Variants in PTPRN2 observed in about 807,000 individuals in gnomAD.
The protein encoded by PTPRN2 is receptor-type tyrosine-protein phosphatase N2.
In PTPRN2, 74 loss-of-function variants were observed where a neutral mutation model predicts 118.8. The ratio of observed to expected loss-of-function variants is 0.62; its 90% CI spans 0.52 to 0.76. The LOEUF (loss-of-function observed/expected upper bound fraction) is 0.76, where lower values mean the gene tolerates loss of function less well. Among genes scored for constraint, PTPRN2 ranks in the 30% least tolerant of loss-of-function variants. The pLI is 0.00. For synonymous variants in PTPRN2, 641 were observed against 608.0 expected (o/e 1.05, Z -0.80); for missense variants, 1,481 against 1,394.4 (o/e 1.06, Z -0.99).
intron 13 of PTPRN2, among the ~76,000 whole-genome samples, chr7:157,658,057 T>A (rs2906933): frequency 0.85 from 128,951 of 151,444 alleles, 55,258 homozygotes; most frequent in Admixed American, 0.91. Flanking sequence ...CCACAAACAC[T>A]CACTCCTATA....
intron 2 of PTPRN2, among the ~76,000 whole-genome samples, chr7:158,342,373 C>T (rs1210174696): frequency 6.8e-6 from 1 of 146,728 alleles, no homozygotes; most frequent in Non-Finnish European, 1.5e-5. Flanking sequence ...ACACTCTCAC[C>T]ATAAGAGCTG....
rs541421649 is a variant in PTPRN2 at position 157,646,713 on chromosome 7, G to T, written c.2196+9644C>A. Among the ~76,000 whole-genome samples the T allele has an allele frequency of 2.6e-5, 4 of 152,314 alleles. 1 individual carries two copies. Among genetic ancestry groups the T allele is most frequent in the Admixed American group, 2.6e-4 (4 of 15,304 alleles). ...CCAGGAGCGTCAAGCAGGAGCTGTG[G>T]CTTGGGTGGCTGCATGGACACGGGA... On this transcript the variant is annotated intron_variant, in intron 14 of 22. Transcript: ENST00000389418.
chr7:158,061,242 C>T (rs566367263), intron 11 of PTPRN2, among the ~76,000 whole-genome samples: 6 of 152,352 alleles, frequency 3.9e-5, no homozygotes, highest in Non-Finnish European at 7.3e-5. Flanking sequence ...AGAGAGTGCG[C>T]GTCCCGCCTC....
At chr7:158,392,590 C>T (rs919728612) in intron 2 of PTPRN2, among the ~76,000 whole-genome samples, 24 of 152,138 alleles carry the variant, frequency 1.6e-4, no homozygotes, top group African/African-American at 4.3e-4. Context: ...TCCTTGTGTC[C>T]GTGGGGGAGG....
intron 4 of PTPRN2, among the ~76,000 whole-genome samples, chr7:158,199,482 T>G (rs931056459): frequency 6.6e-6 from 1 of 152,214 alleles, no homozygotes; most frequent in Non-Finnish European, 1.5e-5. Flanking sequence ...AAAACAGGGC[T>G]GGGGATTCTG....
At chr7:158,140,266 A>T (rs1044123572) in intron 6 of PTPRN2, among the ~76,000 whole-genome samples, 5 of 152,184 alleles carry the variant, frequency 3.3e-5, no homozygotes, top group Admixed American at 2.6e-4. Flanking sequence ...CTCCGAGGAG[A>T]CTGTTTCAAA....
chr7:158,280,308 G>A (rs1427816219), intron 3 of PTPRN2, among the ~76,000 whole-genome samples: 2 of 152,224 alleles, frequency 1.3e-5, no homozygotes, highest in East Asian at 1.9e-4. Context: ...GGCTAACCCC[G>A]TCGGGGGCCA....
At chr7:158,397,686 GACA>G (rs1181234606) in intron 2 of PTPRN2, among the ~76,000 whole-genome samples, 6 of 152,054 alleles carry the variant, frequency 3.9e-5, no homozygotes, top group African/African-American at 1.4e-4. Context: ...ACTTCCACAT[GACA>G]ACAACATCCC....
chr7:158,120,928 C>T (rs955478695), intron 9 of PTPRN2, among the ~76,000 whole-genome samples: 2 of 152,224 alleles, frequency 1.3e-5, no homozygotes, highest in African/African-American at 4.8e-5. Flanking sequence ...AGCTCCACCC[C>T]GGCTGAGACC....
intron 11 of PTPRN2, among the ~76,000 whole-genome samples, chr7:157,938,094 A>G (rs1199260708): frequency 6.6e-6 from 1 of 152,214 alleles, no homozygotes; most frequent in Non-Finnish European, 1.5e-5. Context: ...GCTAAGAGCC[A>G]CCCACTGCAG....
At chr7:158,202,244 C>A (rs767286404) in intron 4 of PTPRN2, among the ~76,000 whole-genome samples, 3 of 152,124 alleles carry the variant, frequency 2.0e-5, no homozygotes, top group Non-Finnish European at 4.4e-5. Flanking sequence ...AAAAGAAAAA[C>A]GATCACATTT....
intron 11 of PTPRN2, among the ~76,000 whole-genome samples, chr7:158,004,027 T>C (rs1348034240): frequency 6.6e-6 from 1 of 152,212 alleles, no homozygotes; most frequent in African/African-American, 2.4e-5. Flanking sequence ...ACTCCGGCTC[T>C]CGGATGGGAG....
intron 2 of PTPRN2, among the ~76,000 whole-genome samples, chr7:158,431,575 A>G (rs1190057736): frequency 7.1e-6 from 1 of 140,456 alleles, no homozygotes; most frequent in East Asian, 2.2e-4. Context: ...CATACTGGCC[A>G]CATACTGGCT....
At chr7:158,110,225 A>G (rs1258199573) in intron 10 of PTPRN2, among the ~76,000 whole-genome samples, 1 of 152,198 alleles carries the variant, frequency 6.6e-6, no homozygotes, top group Non-Finnish European at 1.5e-5. Context: ...GCACTCAGCC[A>G]TCTCTGCTCC....
chr7:157,921,505 T>C (rs568621416), intron 11 of PTPRN2, among the ~76,000 whole-genome samples: 1 of 152,322 alleles, frequency 6.6e-6, no homozygotes, highest in Admixed American at 6.5e-5. Context: ...TTGATTACCA[T>C]TGTGGCAGTG....
chr7:158,213,482 G>A (rs1827754825), intron 3 of PTPRN2, among the ~76,000 whole-genome samples: 1 of 152,010 alleles, frequency 6.6e-6, no homozygotes. Flanking sequence ...CCATTAGGAT[G>A]GCCTCCAACT....
intron 11 of PTPRN2, among the ~76,000 whole-genome samples, chr7:157,917,474 G>C (rs1181517448): frequency 1.3e-5 from 2 of 152,226 alleles, no homozygotes; most frequent in African/African-American, 2.4e-5. Context: ...GATTCTGCCG[G>C]GGGGCGGGGC....
chr7:158,488,975 G>A (rs1586786516), intron 2 of PTPRN2, among the ~76,000 whole-genome samples: 3 of 152,256 alleles, frequency 2.0e-5, no homozygotes, highest in Non-Finnish European at 4.4e-5. Flanking sequence ...GGTGGCGTCT[G>A]CCCTGGGAGA....
At chr7:158,379,801 T>C (rs1810823059) in intron 2 of PTPRN2, among the ~76,000 whole-genome samples, 1 of 152,158 alleles carries the variant, frequency 6.6e-6, no homozygotes, top group Admixed American at 6.5e-5. Context: ...AAGACATACC[T>C]GAGACTGGGT....
Sources: allele counts gnomAD v4.1 joint callset (sites outside exome capture counted in the v4.1 genomes callset), GRCh38; gene constraint gnomAD v4.1.1; transcripts MANE v1.5; gene names NCBI Gene and HGNC (gene_info 2026-07-23, HGNC 2026-07-21).